Variants in PKD1L1 observed in about 807,000 individuals in gnomAD.
The protein encoded by PKD1L1 is polycystin-1-like protein 1.
Under a neutral mutation model 323.4 loss-of-function variants are expected in PKD1L1, and 236 were observed. That is an observed-to-expected ratio of 0.73 (90% CI 0.66 to 0.81). PKD1L1 has a LOEUF of 0.81. PKD1L1 is among the 40% of genes least tolerant of loss of function. The pLI is 0.00. For synonymous variants in PKD1L1, 1,344 were observed against 1,335.0 expected, an observed-to-expected ratio of 1.01 and a Z score of -0.15; for missense variants, 3,320 against 3,508.0, an observed-to-expected ratio of 0.95 and a Z score of 1.35.
At chr7:47,787,370 T>C (rs1184623421) in intron 56 of PKD1L1, among the ~76,000 whole-genome samples, 1 of 152,190 alleles carries the variant, frequency 6.6e-6, no homozygotes, top group East Asian at 1.9e-4. Context: ...GCGTTGTGTT[T>C]TCCTGTGGAA....
At chr7:47,796,424 C>T (rs190662115) in intron 54 of PKD1L1, among the ~76,000 whole-genome samples, 9 of 152,268 alleles carry the variant, frequency 5.9e-5, no homozygotes, top group East Asian at 1.9e-4. Flanking sequence ...AGATTATCAA[C>T]GCGATGTGCA....
chr7:47,929,933 C>T lies in PKD1L1; in HGVS notation c.738-407G>A, dbSNP rs573674721. ...CAAGTCACTACTTCCTGTGTTTTTGCGAAAAGCTCCCCGTGAGGGTGGGTG... is the reference window on the plus strand; with the variant it reads ...CAAGTCACTACTTCCTGTGTTTTTGTGAAAAGCTCCCCGTGAGGGTGGGTG... On this transcript the variant is annotated intron_variant, in intron 6 of 56. Transcript: ENST00000289672. 1.8e-4 allele frequency among the ~76,000 whole-genome samples: 27 copies of T among 152,306 alleles called. No homozygotes were observed. The South Asian group carries it at 5.0e-3, about 28-fold the overall frequency.
At chr7:47,899,294 T>A (rs1439554683) in intron 13 of PKD1L1, among the ~76,000 whole-genome samples, 1 of 152,244 alleles carries the variant, frequency 6.6e-6, no homozygotes, top group Non-Finnish European at 1.5e-5. Context: ...GTTGCACTAT[T>A]CTTTCTACTG....
chr7:47,779,223 A>G (rs1209397490), intron 56 of PKD1L1, among the ~76,000 whole-genome samples: 4 of 152,212 alleles, frequency 2.6e-5, no homozygotes, highest in African/African-American at 9.7e-5. Context: ...AGATGGCTGC[A>G]TGTTTTTAAT....
rs145063572 is a variant in PKD1L1 at position 47,837,090 on chromosome 7, A to G, written c.5774T>C (p.Phe1925Ser). The change falls in exon 37 of 57, where the codon TTC becomes TCC. Residue 1925 changes from phenylalanine (F) to serine (S), a missense_variant. By Grantham distance (155) the Phe-to-Ser change is radical (BLOSUM62 -2). Coordinates refer to ENST00000289672, the MANE Select transcript of PKD1L1 (RefSeq NM_138295.5). Reference sequence around the variant, plus strand: ...CAGGTACTCTGTGAACTTGCAATAGAAAAGCTGAAACGGAAAGCAGGAGAA... The same window carrying G: ...CAGGTACTCTGTGAACTTGCAATAGGAAAGCTGAAACGGAAAGCAGGAGAA... Reference protein sequence around the residue: ...LQGGLGFRKLFYCKFTEYLED... With the variant: ...LQGGLGFRKLSYCKFTEYLED... The G allele has an allele frequency of 2.8e-5, 45 of 1,613,892 alleles. No homozygotes were observed. Among genetic ancestry groups the G allele is most frequent in the Non-Finnish European group, 3.2e-5 (38 of 1,179,906 alleles).
intron 45 of PKD1L1, among the ~76,000 whole-genome samples, chr7:47,824,939 T>C (rs886978055): frequency 2.6e-5 from 4 of 152,236 alleles, no homozygotes; most frequent in Non-Finnish European, 2.9e-5. Flanking sequence ...ACTTACTGTG[T>C]CTGTAAGAGT....
At chr7:47,859,015 C>T (rs1785967026) in intron 26 of PKD1L1, 130 bp from the exon 27 acceptor site, 1 of 1,202,568 alleles carries the variant, frequency 8.3e-7, no homozygotes. Flanking sequence ...TAAAGTGCCT[C>T]ATGGCATATG....
rs181966133 is a variant in PKD1L1 at position 47,792,531 on chromosome 7, G to A, written c.8526+96C>T. The A allele has an allele frequency of 5.6e-5, 68 of 1,218,038 alleles. No homozygotes were observed. In the African/African-American group the frequency reaches 7.8e-4, roughly 14 times the overall value. 75.5% of individuals were successfully genotyped at this position (1,218,038 alleles called of 1,614,324 possible). On this transcript the variant is annotated intron_variant, in intron 56 of 56. Coordinates refer to ENST00000289672, the MANE Select transcript of PKD1L1 (RefSeq NM_138295.5). ...ATATCTAAAGAATATTTATGCAAAT[G>A]GACCTTATAATTTGGAAAAACAACT... is the stretch of plus-strand genomic sequence containing the variant.
At position 47,846,978 on chromosome 7, in the gene PKD1L1, T is replaced by C. The variant is rs1282118193; in HGVS notation, c.5054A>G (p.His1685Arg). The C allele has an allele frequency of 6.2e-7, 1 of 1,613,978 alleles. No homozygotes were observed. The highest frequency in any genetic ancestry group is 8.5e-7 in the Non-Finnish European group (1 of 1,179,926). ...YLAKAVNYTV[H>R]FQWIRCLFWD... ...AAACAGGCATCGGATCCACTGGAAATGTACTGTATAGTTCACTGCCTTAGC... is the reference window on the plus strand; with the variant it reads ...AAACAGGCATCGGATCCACTGGAAACGTACTGTATAGTTCACTGCCTTAGC... Residue 1685 changes from histidine (H) to arginine (R), a missense_variant, in exon 32 of 57, where the codon CAT becomes CGT. Transcript: ENST00000289672.
chr7:47,817,064 T>C (rs1466316523), intron 46 of PKD1L1, among the ~76,000 whole-genome samples: 1 of 152,064 alleles, frequency 6.6e-6, no homozygotes, highest in Non-Finnish European at 1.5e-5. Context: ...GATGAGACCC[T>C]GTCTCTACTA....
chr7:47,853,073 G>T, intron 31 of PKD1L1, 54 bp downstream of exon 31: 4 of 1,166,768 alleles, frequency 3.4e-6, no homozygotes, highest in Non-Finnish European at 5.1e-6. Context: ...AGGTTATAGG[G>T]GATGTTTTAA....
intron 26 of PKD1L1, among the ~76,000 whole-genome samples, chr7:47,863,325 C>T (rs1472428142): frequency 1.3e-5 from 2 of 151,954 alleles, no homozygotes; most frequent in African/African-American, 2.4e-5. Context: ...TGTAGTTATA[C>T]GTGCGTGTCT....
chr7:47,945,557 A>G (rs1370843751), intron 1 of PKD1L1, among the ~76,000 whole-genome samples: 1 of 152,206 alleles, frequency 6.6e-6, no homozygotes, highest in Non-Finnish European at 1.5e-5. Flanking sequence ...TGTCTTCCAA[A>G]GGCCAGAGAA....
intron 1 of PKD1L1, among the ~76,000 whole-genome samples, chr7:47,945,561 C>A (rs1788076998): frequency 6.6e-6 from 1 of 151,844 alleles, no homozygotes; most frequent in Admixed American, 6.6e-5. Context: ...TTCCAAAGGC[C>A]AGAGAAATGA....
chr7:47,866,634 TATC>T lies in PKD1L1; in HGVS notation c.3897-23_3897-21del. 6.3e-7 allele frequency: 1 copy of T among 1,577,358 alleles called. No homozygotes were observed. The highest frequency in any genetic ancestry group is 1.1e-5 in the South Asian group (1 of 87,056). On this transcript the variant is annotated intron_variant, in intron 24 of 56. Coordinates refer to ENST00000289672, the MANE Select transcript of PKD1L1 (RefSeq NM_138295.5). ...TTATACCTGAAGGAAACACAAGAGT[TATC>T]ATTACTGTTCCAACACACGGCAAAA...
chr7:47,921,108 C>T (rs1424439704), intron 7 of PKD1L1, among the ~76,000 whole-genome samples: 1 of 151,742 alleles, frequency 6.6e-6, no homozygotes, highest in East Asian at 1.9e-4. Flanking sequence ...AACAGACAAC[C>T]CACAGAGTGG....
intron 50 of PKD1L1, among the ~76,000 whole-genome samples, 159 bp downstream of exon 50, chr7:47,811,658 G>A (rs999687089): frequency 6.6e-6 from 1 of 152,176 alleles, no homozygotes; most frequent in African/African-American, 2.4e-5. Context: ...CCAACCCTTA[G>A]TGTGATGCTT....
At chr7:47,889,037 G>A (rs1047406863) in intron 16 of PKD1L1, among the ~76,000 whole-genome samples, 3 of 152,156 alleles carry the variant, frequency 2.0e-5, no homozygotes, top group South Asian at 2.1e-4. Context: ...ACAGGGCTGA[G>A]GAGCCATGGT....
At chr7:47,878,310 A>T (rs1786453668) in intron 21 of PKD1L1, among the ~76,000 whole-genome samples, 1 of 152,120 alleles carries the variant, frequency 6.6e-6, no homozygotes, top group South Asian at 2.1e-4. Flanking sequence ...CATTTTGCTT[A>T]TTTTCCATTT....
Sources: allele counts gnomAD v4.1 joint callset (sites outside exome capture counted in the v4.1 genomes callset), GRCh38; gene constraint gnomAD v4.1.1; transcripts MANE v1.5; gene names NCBI Gene and HGNC (gene_info 2026-07-23, HGNC 2026-07-21).